REEP1: variants seen among roughly 807,000 people sequenced by gnomAD.
REEP1 encodes the protein receptor expression-enhancing protein 1.
Under a neutral mutation model 40.3 loss-of-function variants are expected in REEP1, and 22 were observed. That is an observed-to-expected ratio of 0.55 (90% confidence interval 0.39 to 0.78). The LOEUF (loss-of-function observed/expected upper bound fraction) is 0.78, where lower values mean the gene tolerates loss of function less well. Ranked by LOEUF, REEP1 falls within the 30% of genes least tolerant of loss-of-function variation. The probability of loss-of-function intolerance (pLI) is 0.00; values close to 1 mark genes in which losing one functional copy is unlikely to be tolerated. For missense variants in REEP1, 280 were observed against 361.1 expected, an observed-to-expected ratio of 0.78 and a Z score of 1.82; for synonymous variants, 116 against 139.2, an observed-to-expected ratio of 0.83 and a Z score of 1.17.
intron 1 of REEP1, among the ~76,000 whole-genome samples, chr2:86,336,075 G>A (rs1295591872): frequency 6.6e-6 from 1 of 152,176 alleles, no homozygotes; most frequent in African/African-American, 2.4e-5. Flanking sequence ...ATCGATCCCA[G>A]AGAGGAAACA....
intron 2 of REEP1, among the ~76,000 whole-genome samples, chr2:86,274,796 G>A (rs1056618980): frequency 6.6e-6 from 1 of 152,100 alleles, no homozygotes; most frequent in Non-Finnish European, 1.5e-5. Flanking sequence ...TCTCTAAACT[G>A]GTCAGGAGCA....
At chr2:86,295,625 C>A (rs1357489708) in intron 1 of REEP1, among the ~76,000 whole-genome samples, 2 of 152,172 alleles carry the variant, frequency 1.3e-5, no homozygotes, top group Non-Finnish European at 2.9e-5. Flanking sequence ...CTGCAAGCTC[C>A]GCCTCCCGGA....
At chr2:86,234,237 G>A (rs922692739) in intron 5 of REEP1, among the ~76,000 whole-genome samples, 2 of 152,106 alleles carry the variant, frequency 1.3e-5, no homozygotes, top group East Asian at 1.9e-4. Flanking sequence ...GCCAGAAGAG[G>A]GCAGGCGTGG....
At chr2:86,334,260 G>T (rs550502966) in intron 1 of REEP1, among the ~76,000 whole-genome samples, 4 of 152,146 alleles carry the variant, frequency 2.6e-5, no homozygotes, top group African/African-American at 4.8e-5. Flanking sequence ...ACCTCTGGTC[G>T]GATGGTTGGG....
At chr2:86,284,182 T>C (rs368623815) in intron 1 of REEP1, among the ~76,000 whole-genome samples, 21 of 152,018 alleles carry the variant, frequency 1.4e-4, no homozygotes, top group Admixed American at 5.2e-4. Flanking sequence ...TCCTAAGCAT[T>C]CTCAGGTATC....
intron 2 of REEP1, among the ~76,000 whole-genome samples, chr2:86,274,655 A>G (rs1677641582): frequency 6.6e-6 from 1 of 152,210 alleles, no homozygotes; most frequent in South Asian, 2.1e-4. Context: ...ACCTCCCTGC[A>G]AGATAGGGAT....
At chr2:86,219,888 A>C in intron 8 of REEP1, 82 bp downstream of exon 8, 1 of 1,120,904 alleles carries the variant, frequency 8.9e-7, no homozygotes, top group Non-Finnish European at 1.1e-6. Flanking sequence ...GCCCCAAGAG[A>C]TGCTGCTCCC....
At chr2:86,258,598 T>C (rs1036442426) in intron 3 of REEP1, among the ~76,000 whole-genome samples, 3 of 152,142 alleles carry the variant, frequency 2.0e-5, no homozygotes, top group African/African-American at 7.2e-5. Context: ...TTGCCAGGCA[T>C]CACAAGATAA....
intron 6 of REEP1, among the ~76,000 whole-genome samples, chr2:86,228,725 T>A (rs1473653710): frequency 6.6e-6 from 1 of 152,224 alleles, no homozygotes; most frequent in Non-Finnish European, 1.5e-5. Flanking sequence ...CCCAAAGTGC[T>A]GGGATTACAG....
In REEP1 at chr2:86,266,953, GC is replaced by G. The variant is rs370614868; in HGVS notation, c.106-2913del. Among the ~76,000 whole-genome samples the G allele has an allele frequency of 3.5e-3, 526 of 151,806 alleles. 4 individuals carry two copies. Among genetic ancestry groups the G allele is most frequent in the African/African-American group, 0.011 (474 of 41,434 alleles). On this transcript the variant is annotated intron_variant, in intron 2 of 8. Coordinates refer to ENST00000538924, the MANE Select transcript of REEP1 (RefSeq NM_001371279.1). ...ACCCAGGGGGAAGAGGTTGCAGTGA[GC>G]TGAGATTGGGCTACTGCACTCCAGC...
At position 86,232,730 on chromosome 2, in the gene REEP1, C is replaced by T. The variant is rs1351359618; in HGVS notation, c.490G>A (p.Ala164Thr). 2.5e-6 allele frequency: 4 copies of T among 1,608,808 alleles called. No individual in the cohort carries two copies. Among genetic ancestry groups the T allele is most frequent in the South Asian group, 1.1e-5 (1 of 91,086 alleles). ...GGTGGGGGGCCCGAGGGAGCAGGGG[C>T]GCCGTCTCCCCTGATGGTGGTGAGG... ...QDLTTIRGDG[A>T]PAPSGPPPPG... Residue 164 changes from alanine to threonine, a missense_variant, in exon 6 of 9, where the codon GCC (alanine) becomes ACC (threonine). Physicochemically the swap from Ala to Thr is moderately conservative, Grantham distance 58. Around this residue, in one of 3 missense-constraint regions of REEP1, gnomAD observed 201 missense variants for 238.5 expected, o/e 0.84. Coordinates refer to ENST00000538924, the MANE Select transcript of REEP1 (RefSeq NM_001371279.1).
chr2:86,314,375 C>A (rs1307256545), intron 1 of REEP1, among the ~76,000 whole-genome samples: 1 of 152,134 alleles, frequency 6.6e-6, no homozygotes, highest in African/African-American at 2.4e-5. Context: ...CTCAGTCTCA[C>A]CCTGGAAGGC....
chr2:86,273,097 T>C (rs1677547936), intron 2 of REEP1, among the ~76,000 whole-genome samples: 1 of 149,710 alleles, frequency 6.7e-6, no homozygotes, highest in Non-Finnish European at 1.5e-5. Flanking sequence ...TCTGTGATTA[T>C]ACCACTGTAC....
At chr2:86,243,148 A>G (rs1028747354) in intron 5 of REEP1, among the ~76,000 whole-genome samples, 3 of 152,054 alleles carry the variant, frequency 2.0e-5, no homozygotes, top group Admixed American at 2.0e-4. Context: ...AGATGGTGCT[A>G]GGAGAGAGAG....
chr2:86,323,618 C>A (rs1295588223), intron 1 of REEP1, among the ~76,000 whole-genome samples: 1 of 152,030 alleles, frequency 6.6e-6, no homozygotes, highest in Non-Finnish European at 1.5e-5. Context: ...CAGTTTCATC[C>A]TAAAACTGCC....
At chr2:86,297,621 G>A in intron 1 of REEP1, 1 of 837,688 alleles carries the variant, frequency 1.2e-6, no homozygotes. Context: ...GCCACTACCT[G>A]CAAGAGAGAT....
At chr2:86,305,786 T>G (rs1223077775) in intron 1 of REEP1, among the ~76,000 whole-genome samples, 1 of 152,124 alleles carries the variant, frequency 6.6e-6, no homozygotes, top group Non-Finnish European at 1.5e-5. Context: ...TCCTCAGCCC[T>G]TCCTTATTAC....
intron 1 of REEP1, among the ~76,000 whole-genome samples, chr2:86,296,801 GA>G: frequency 6.6e-6 from 1 of 152,292 alleles, no homozygotes; most frequent in South Asian, 2.1e-4. Context: ...AGGTTGCAGT[GA>G]GATGAGATCA....
intron 1 of REEP1, among the ~76,000 whole-genome samples, chr2:86,332,290 G>C (rs1369007865): frequency 1.3e-5 from 2 of 151,982 alleles, no homozygotes; most frequent in African/African-American, 2.4e-5. Context: ...TCGGGGGTTG[G>C]AAAAACTCCC....
Sources: allele counts gnomAD v4.1 joint callset (sites outside exome capture counted in the v4.1 genomes callset), GRCh38; gene constraint gnomAD v4.1.1; regional missense constraint gnomAD v4.1.1; transcripts MANE v1.5; gene names NCBI Gene and HGNC (gene_info 2026-07-23, HGNC 2026-07-21).